KALRN: variants seen among roughly 807,000 people sequenced by gnomAD.
KALRN encodes kalirin.
Under a neutral mutation model 353.7 loss-of-function variants are expected in KALRN, and 70 were observed. The observed-to-expected ratio is 0.20, with a 90% CI of 0.16 to 0.24. The LOEUF is 0.24. Among genes scored for constraint, KALRN ranks in the 10% least tolerant of loss-of-function variants. KALRN has a pLI of 1.00. For missense variants in KALRN, 2,791 were observed against 3,756.7 expected, an observed-to-expected ratio of 0.74 and a Z score of 6.72; for synonymous variants, 1,391 against 1,434.8, an observed-to-expected ratio of 0.97 and a Z score of 0.69.
rs1246694880 is a variant in KALRN, at chr3:124,722,381, G to A, written c.*2911G>A. On this transcript the variant is annotated 3_prime_UTR_variant, in exon 60 of 60. Coordinates refer to ENST00000682506, the MANE Select transcript of KALRN (RefSeq NM_001388419.1). ...GGGACCTAGAAATGAAAAGTAGGAT[G>A]ATTTTGTTAACTGGAGCCAAGGTAC... 6.6e-6 allele frequency: 1 copy of A among 152,118 alleles called. No homozygotes were observed. The highest frequency in any genetic ancestry group is 6.6e-5 in the Admixed American group (1 of 15,258). 9.4% of individuals were successfully genotyped at this position (152,118 alleles called of 1,614,324 possible). A position where few individuals can be genotyped will look rare whatever the true frequency, so the allele number is the denominator to read the frequency against.
Position 124,455,337 on chromosome 3 carries a change from A to C in KALRN, c.3713A>C (p.Lys1238Thr). 1 of 1,614,156 alleles carries C rather than the reference A, an allele frequency of 6.2e-7. No homozygotes were observed. Among genetic ancestry groups the C allele is most frequent in the Non-Finnish European group, 8.5e-7 (1 of 1,179,996 alleles). The change falls in exon 22 of 60, where the codon AAA becomes ACA. Residue 1238 changes from lysine (K) to threonine (T), a missense_variant. Physicochemically the swap from Lys to Thr is moderately conservative, Grantham distance 78. Around this residue, in one of 11 missense-constraint regions of KALRN, gnomAD observed 268 missense variants for 347.0 expected, o/e 0.77. Transcript: ENST00000682506. ...GGAAAGTACCGATACTCACTGGAGA[A>C]AGCCCTAGGAGTCAACACAGAGGTA... ...RMGKYRYSLE[K>T]ALGVNTEDNK...
At chr3:124,462,054 C>T in intron 24 of KALRN, 98 bp downstream of exon 24, 1 of 837,996 alleles carries the variant, frequency 1.2e-6, no homozygotes, top group Non-Finnish European at 2.0e-6. Context: ...TGGTCTTCTC[C>T]CAGAGAGTAA....
intron 1 of KALRN, among the ~76,000 whole-genome samples, chr3:124,154,009 T>C (rs2068595037): frequency 6.6e-6 from 1 of 152,244 alleles, no homozygotes; most frequent in Non-Finnish European, 1.5e-5. Context: ...TTGTAGATTC[T>C]GGATATTTGC....
rs746797229 is a variant in KALRN at position 124,718,999 on chromosome 3, G to A, written c.8490G>A (p.Gln2830=). ...VKLIDLEDAV[Q]ISGHFHIHHL... Reference sequence around the variant, plus strand: ...TCATTGACTTGGAGGATGCTGTCCAGATCTCGGGTCACTTCCACATTCACC... The same window carrying A: ...TCATTGACTTGGAGGATGCTGTCCAAATCTCGGGTCACTTCCACATTCACC... The change falls in exon 60 of 60, where the codon CAG becomes CAA. Residue 2830 remains glutamine, a synonymous_variant. Coordinates refer to ENST00000682506, the MANE Select transcript of KALRN (RefSeq NM_001388419.1). 3 of 1,614,078 alleles carry A rather than the reference G, an allele frequency of 1.9e-6. No individual in the cohort carries two copies. In the African/African-American group the frequency reaches 4.0e-5, roughly 22 times the overall value.
rs147976526 is a variant in KALRN, at chr3:124,168,781, G to A, written c.74-59209G>A. Among the ~76,000 whole-genome samples the A allele has an allele frequency of 2.3e-4, 35 of 152,308 alleles. No homozygotes were observed. In the East Asian group the frequency reaches 6.6e-3, roughly 29 times the overall value. ...AACTACAGCCACATGCCTCAGGTTT[G>A]GATTAGATCTCAATCGGCCTCTCAA... On this transcript the variant is annotated intron_variant, in intron 1 of 59. Coordinates refer to ENST00000682506, the MANE Select transcript of KALRN (RefSeq NM_001388419.1).
At chr3:124,163,545 A>G (rs2150039977) in intron 1 of KALRN, 1 of 971,616 alleles carries the variant, frequency 1.0e-6, no homozygotes, top group Non-Finnish European at 1.2e-6. Context: ...TCTTTAGCCT[A>G]AATCTGTCAG....
chr3:124,698,698 T>C (rs1559865294), intron 55 of KALRN, among the ~76,000 whole-genome samples: 1 of 152,188 alleles, frequency 6.6e-6, no homozygotes, highest in Non-Finnish European at 1.5e-5. Context: ...CCCAGAGAAA[T>C]AACTAGTGTA....
chr3:124,232,385 T>A (rs1403481505), intron 2 of KALRN, among the ~76,000 whole-genome samples: 1 of 152,198 alleles, frequency 6.6e-6, no homozygotes, highest in Non-Finnish European at 1.5e-5. Flanking sequence ...GACTGCCTCT[T>A]GTCTACTGTT....
chr3:124,265,092 C>T (rs778496506), intron 4 of KALRN, among the ~76,000 whole-genome samples: 10 of 152,028 alleles, frequency 6.6e-5, no homozygotes, highest in Admixed American at 2.0e-4. Flanking sequence ...CAGTATATAA[C>T]GATCAAATCA....
intron 34 of KALRN, among the ~76,000 whole-genome samples, chr3:124,622,318 A>G (rs2079369416): frequency 6.6e-6 from 1 of 152,222 alleles, no homozygotes; most frequent in Non-Finnish European, 1.5e-5. Flanking sequence ...CACCAGGTGG[A>G]CATTTATAGA....
chr3:124,369,475 A>G (rs1470687826), intron 10 of KALRN, among the ~76,000 whole-genome samples: 1 of 152,218 alleles, frequency 6.6e-6, no homozygotes, highest in Admixed American at 6.5e-5. Context: ...TTTTTTAATC[A>G]ACAGAAACAT....
intron 1 of KALRN, among the ~76,000 whole-genome samples, chr3:124,112,999 G>T (rs768969449): frequency 5.9e-5 from 9 of 152,098 alleles, no homozygotes; most frequent in Non-Finnish European, 8.8e-5. Flanking sequence ...TTATGTACCA[G>T]ACTCCTTTAA....
intron 51 of KALRN, among the ~76,000 whole-genome samples, chr3:124,681,894 T>C (rs1406774327): frequency 6.6e-6 from 1 of 152,110 alleles, no homozygotes; most frequent in Non-Finnish European, 1.5e-5. Context: ...CCTCCCAAAG[T>C]GCTGGGATTA....
At chr3:124,382,568 C>T (rs556567243) in intron 10 of KALRN, among the ~76,000 whole-genome samples, 4 of 152,292 alleles carry the variant, frequency 2.6e-5, no homozygotes, top group African/African-American at 7.2e-5. Flanking sequence ...GATCACCTTA[C>T]GTGTGGTAGA....
chr3:124,123,072 G>A (rs138817568), intron 1 of KALRN, among the ~76,000 whole-genome samples: 9 of 152,060 alleles, frequency 5.9e-5, no homozygotes, highest in South Asian at 2.1e-4. Flanking sequence ...GTGGTGGCAC[G>A]TGCCTGTAAT....
chr3:124,168,603 T>C (rs1278081140), intron 1 of KALRN, among the ~76,000 whole-genome samples: 1 of 152,204 alleles, frequency 6.6e-6, no homozygotes, highest in African/African-American at 2.4e-5. Context: ...GATACCACTT[T>C]CTTTCCCAAA....
At chr3:124,294,438 A>G (rs2076674631) in intron 5 of KALRN, among the ~76,000 whole-genome samples, 1 of 151,330 alleles carries the variant, frequency 6.6e-6, no homozygotes, top group East Asian at 1.9e-4. Context: ...TATGGATGCA[A>G]TGTAATGATG....
Position 124,678,193 on chromosome 3 carries a change from G to T in KALRN, c.7197G>T (p.Lys2399Asn), listed in dbSNP as rs2087408550. Residue 2399 changes from lysine (K) to asparagine (N), a missense_variant, in exon 50 of 60, where the codon AAG becomes AAT. Around this residue, in one of 11 missense-constraint regions of KALRN, gnomAD observed 1,065 missense variants for 1,156.4 expected, o/e 0.92. Coordinates refer to ENST00000682506, the MANE Select transcript of KALRN (RefSeq NM_001388419.1). ...GGTGCATTTTTTGGTACAACAGGAA[G>T]TCATGTTCATGGCATACTCTACGCA... ...AAESSDGSIK[K>N]SCSWHTLRMR... The T allele has an allele frequency of 6.2e-7, 1 of 1,613,490 alleles. No homozygotes were observed.
chr3:124,407,594 A>T (rs1409524150), intron 13 of KALRN: 1 of 152,198 alleles, frequency 6.6e-6, no homozygotes, highest in Admixed American at 6.5e-5. Flanking sequence ...CTGGATAACC[A>T]GATAATTCTA....
Sources: allele counts gnomAD v4.1 joint callset (sites outside exome capture counted in the v4.1 genomes callset), GRCh38; gene constraint gnomAD v4.1.1; regional missense constraint gnomAD v4.1.1; transcripts MANE v1.5; gene names NCBI Gene and HGNC (gene_info 2026-07-23, HGNC 2026-07-21).